SORCS3: variants seen among roughly 807,000 people sequenced by gnomAD.
SORCS3 encodes sortilin related VPS10 domain containing receptor 3, also known as VPS10 domain-containing receptor SorCS3.
SORCS3 carries 57 observed loss-of-function variants against 146.3 expected under a neutral mutation model. That is an observed-to-expected ratio of 0.39 (90% CI 0.31 to 0.49). The LOEUF (loss-of-function observed/expected upper bound fraction) is 0.49, where lower values mean the gene tolerates loss of function less well. Ranked by LOEUF, SORCS3 falls within the 20% of genes least tolerant of loss-of-function variation. SORCS3 has a pLI of 0.92. For missense variants in SORCS3, 1,341 were observed against 1,575.5 expected (o/e 0.85, Z 2.52); for synonymous variants, 653 against 618.5 (o/e 1.06, Z -0.83).
chr10:104,868,081 G>A (rs775705911), intron 2 of SORCS3, among the ~76,000 whole-genome samples: 4 of 152,076 alleles, frequency 2.6e-5, no homozygotes, highest in Non-Finnish European at 4.4e-5. Flanking sequence ...TTTCATATAC[G>A]ATTGTTTTTA....
At chr10:104,848,830 C>T (rs2018237502) in intron 2 of SORCS3, among the ~76,000 whole-genome samples, 1 of 152,180 alleles carries the variant, frequency 6.6e-6, no homozygotes, top group African/African-American at 2.4e-5. Flanking sequence ...GCTTGCTATC[C>T]TCAAGGAATG....
chr10:104,831,274 A>C (rs913252211), intron 1 of SORCS3, among the ~76,000 whole-genome samples: 2 of 152,222 alleles, frequency 1.3e-5, no homozygotes, highest in African/African-American at 4.8e-5. Flanking sequence ...CTTATAACCC[A>C]AAGTAGTTGT....
chr10:104,783,246 C>G (rs1413278853), intron 1 of SORCS3, among the ~76,000 whole-genome samples: 1 of 152,160 alleles, frequency 6.6e-6, no homozygotes, highest in Non-Finnish European at 1.5e-5. Flanking sequence ...TCCTGTATTA[C>G]TCTCTTTTCT....
At chr10:104,921,651 C>G (rs570542602) in intron 3 of SORCS3, among the ~76,000 whole-genome samples, 5 of 151,938 alleles carry the variant, frequency 3.3e-5, no homozygotes, top group Admixed American at 6.6e-5. Context: ...CTAAGTTTTA[C>G]TATTAATCTC....
intron 11 of SORCS3, 65 bp from the exon 12 acceptor site, chr10:105,164,238 C>T (rs1300152411): frequency 1.6e-6 from 2 of 1,241,162 alleles, no homozygotes; most frequent in Non-Finnish European, 2.4e-6. Flanking sequence ...TCCCCCATCC[C>T]TCAGCCCTAA....
intron 1 of SORCS3, among the ~76,000 whole-genome samples, chr10:104,723,187 C>G (rs936237652): frequency 1.3e-5 from 2 of 152,172 alleles, no homozygotes; most frequent in African/African-American, 4.8e-5. Flanking sequence ...TGTCTTTGTT[C>G]TGGTTGATTT....
chr10:104,704,722 G>A (rs781743842), intron 1 of SORCS3, among the ~76,000 whole-genome samples: 129 of 152,192 alleles, frequency 8.5e-4, no homozygotes, highest in African/African-American at 1.1e-3. Context: ...TCCTTGCATC[G>A]TGCCTGTAAA....
In SORCS3 at chr10:104,780,512, G is replaced by C. The variant is rs1002192112; in HGVS notation, c.628-62280G>C. 3.3e-5 allele frequency among the ~76,000 whole-genome samples: 5 copies of C among 152,194 alleles called. No individual in the cohort carries two copies. The South Asian group carries it at 1.0e-3, about 31-fold the overall frequency. On this transcript the variant is annotated intron_variant, in intron 1 of 26. Coordinates refer to ENST00000369701, the MANE Select transcript of SORCS3 (RefSeq NM_014978.3). ...CTGGCATCATGACCCCTTGGTAGCTGTTCACTCTTCCAAATGGGCTGCTTT... is the reference window on the plus strand; with the variant it reads ...CTGGCATCATGACCCCTTGGTAGCTCTTCACTCTTCCAAATGGGCTGCTTT...
chr10:104,720,067 C>T (rs555016953), intron 1 of SORCS3, among the ~76,000 whole-genome samples: 7 of 151,924 alleles, frequency 4.6e-5, no homozygotes, highest in Admixed American at 4.6e-4. Context: ...TGTTGGTGTG[C>T]TGCACCTGTT....
chr10:104,659,680 A>G (rs1301814492), intron 1 of SORCS3, among the ~76,000 whole-genome samples: 3 of 152,220 alleles, frequency 2.0e-5, no homozygotes, highest in Non-Finnish European at 4.4e-5. Flanking sequence ...AAATCAGGAT[A>G]TAATCCCATT....
chr10:105,230,963 G>A (rs1159974314), intron 20 of SORCS3, among the ~76,000 whole-genome samples: 1 of 152,180 alleles, frequency 6.6e-6, no homozygotes, highest in Non-Finnish European at 1.5e-5. Flanking sequence ...TGGTCAAGAG[G>A]CTCTCCAGTG....
intron 4 of SORCS3, among the ~76,000 whole-genome samples, chr10:104,988,192 G>A (rs550063229): frequency 7.9e-5 from 12 of 152,320 alleles, no homozygotes; most frequent in Admixed American, 5.2e-4. Flanking sequence ...AGGCCTGGCT[G>A]AGGTACAGCC....
chr10:104,693,449 A>C (rs2016137819), intron 1 of SORCS3, among the ~76,000 whole-genome samples: 1 of 152,194 alleles, frequency 6.6e-6, no homozygotes, highest in Admixed American at 6.5e-5. Flanking sequence ...ATAAGCCAAC[A>C]TACTTTGCAG....
chr10:104,772,037 G>T (rs2017255451), intron 1 of SORCS3, among the ~76,000 whole-genome samples: 1 of 152,190 alleles, frequency 6.6e-6, no homozygotes, highest in African/African-American at 2.4e-5. Context: ...CAATGCTTAG[G>T]CTAAGACTTG....
intron 1 of SORCS3, among the ~76,000 whole-genome samples, chr10:104,724,863 A>G (rs1035797009): frequency 2.0e-5 from 3 of 152,080 alleles, no homozygotes; most frequent in Non-Finnish European, 2.9e-5. Flanking sequence ...TGGTTATTCT[A>G]GTTAGCCATT....
chr10:104,665,743 G>A (rs1156984880), intron 1 of SORCS3: 1 of 152,196 alleles, frequency 6.6e-6, no homozygotes, highest in Non-Finnish European at 1.5e-5. Flanking sequence ...TAACAAGGTG[G>A]TTTGAGTTTC....
At chr10:104,921,664 G>T (rs1373324019) in intron 3 of SORCS3, among the ~76,000 whole-genome samples, 1 of 151,956 alleles carries the variant, frequency 6.6e-6, no homozygotes, top group Non-Finnish European at 1.5e-5. Flanking sequence ...TTAATCTCCT[G>T]AGCGTGGTAG....
intron 2 of SORCS3, among the ~76,000 whole-genome samples, chr10:104,913,440 G>T (rs941819435): frequency 3.0e-4 from 45 of 152,348 alleles, no homozygotes; most frequent in African/African-American, 1.1e-3. Flanking sequence ...TTCTGTGCCT[G>T]CAGTAGACAA....
intron 5 of SORCS3, among the ~76,000 whole-genome samples, chr10:105,058,893 T>C (rs1035954798): frequency 6.6e-5 from 10 of 152,188 alleles, no homozygotes; most frequent in African/African-American, 2.2e-4. Flanking sequence ...GGGTGAGGGA[T>C]GCCCTAAATA....
Sources: gnomAD v4.1 joint callset for allele counts (sites outside exome capture counted in the v4.1 genomes callset) on GRCh38, gnomAD v4.1.1 for gene constraint, MANE v1.5 for transcripts, NCBI Gene and HGNC (gene_info 2026-07-23, HGNC 2026-07-21) for gene names.